CNTNAP5: variants seen among roughly 807,000 people sequenced by gnomAD.
CNTNAP5 encodes the protein contactin associated protein family member 5, also known as contactin-associated protein-like 5.
CNTNAP5 carries 72 observed loss-of-function variants against 150.2 expected under a neutral mutation model. That is an observed-to-expected ratio of 0.48 (90% CI 0.40 to 0.58). The LOEUF (loss-of-function observed/expected upper bound fraction) is 0.58, where lower values mean the gene tolerates loss of function less well. Among genes scored for constraint, CNTNAP5 ranks in the 20% least tolerant of loss-of-function variants. The pLI is 0.00. For synonymous variants in CNTNAP5, 672 were observed against 619.8 expected (o/e 1.08, Z -1.25); for missense variants, 1,636 against 1,626.2 (o/e 1.01, Z -0.10).
chr2:124,338,403 G>T (rs1345150972), intron 3 of CNTNAP5, among the ~76,000 whole-genome samples: 1 of 152,118 alleles, frequency 6.6e-6, no homozygotes, highest in African/African-American at 2.4e-5. Context: ...CCAACACTAT[G>T]TTGAATAGGA....
At chr2:124,859,372 C>A (rs1211371261) in intron 19 of CNTNAP5, among the ~76,000 whole-genome samples, 1 of 152,166 alleles carries the variant, frequency 6.6e-6, no homozygotes, top group Admixed American at 6.5e-5. Flanking sequence ...CCATCTCATA[C>A]CAGTTAGAAT....
chr2:124,391,095 G>A (rs1691098382), intron 3 of CNTNAP5, among the ~76,000 whole-genome samples: 1 of 152,174 alleles, frequency 6.6e-6, no homozygotes. Flanking sequence ...CAAGTCGTTT[G>A]AACTCCATGG....
intron 13 of CNTNAP5, among the ~76,000 whole-genome samples, chr2:124,694,281 G>A (rs1558738282): frequency 6.6e-6 from 1 of 152,068 alleles, no homozygotes. Flanking sequence ...TCTTTGATGA[G>A]GCATAGAGTG....
At chr2:124,464,802 T>C (rs867405995) in intron 6 of CNTNAP5, among the ~76,000 whole-genome samples, 2 of 152,196 alleles carry the variant, frequency 1.3e-5, no homozygotes, top group Admixed American at 6.6e-5. Flanking sequence ...AGGCTGATGA[T>C]GGTGTGTTTC....
chr2:124,061,092 A>G (rs762234130), intron 1 of CNTNAP5, among the ~76,000 whole-genome samples: 6 of 152,052 alleles, frequency 3.9e-5, no homozygotes, highest in Non-Finnish European at 7.4e-5. Flanking sequence ...TTAGAAATGC[A>G]TGTTCCTGAA....
chr2:124,484,517 T>C (rs554627330), intron 7 of CNTNAP5, among the ~76,000 whole-genome samples: 25 of 152,328 alleles, frequency 1.6e-4, no homozygotes, highest in Admixed American at 3.9e-4. Flanking sequence ...ATGGTAGAGA[T>C]AATAATGCCT....
intron 19 of CNTNAP5, among the ~76,000 whole-genome samples, chr2:124,805,624 A>G (rs1231139763): frequency 6.6e-6 from 1 of 152,142 alleles, no homozygotes; most frequent in Non-Finnish European, 1.5e-5. Flanking sequence ...AATACAATCA[A>G]CTCTACAAAC....
At chr2:124,257,166 T>A (rs1330536846) in intron 3 of CNTNAP5, among the ~76,000 whole-genome samples, 2 of 152,226 alleles carry the variant, frequency 1.3e-5, no homozygotes, top group African/African-American at 2.4e-5. Flanking sequence ...TCTGGACTTC[T>A]GGCCTCCAGA....
intron 13 of CNTNAP5, among the ~76,000 whole-genome samples, chr2:124,649,083 A>T (rs2105029248): frequency 6.6e-6 from 1 of 152,330 alleles, no homozygotes; most frequent in African/African-American, 2.4e-5. Context: ...AGAATTTTTA[A>T]CTATTTGAAA....
chr2:124,862,323 G>A (rs770278583), intron 19 of CNTNAP5, among the ~76,000 whole-genome samples: 1 of 152,096 alleles, frequency 6.6e-6, no homozygotes, highest in East Asian at 1.9e-4. Flanking sequence ...AAATTGCATC[G>A]CATTCATGGC....
chr2:124,282,100 AGACATAGGTAGAGATCCCAACAAGC>A (rs373641862), intron 3 of CNTNAP5, among the ~76,000 whole-genome samples: 147 of 152,240 alleles, frequency 9.7e-4, no homozygotes, highest in African/African-American at 3.4e-3. Flanking sequence ...TAAAAAGTTT[AGACATAGGTAGAGATCCCAACAAGC>A]ATAGGCACCC....
intron 13 of CNTNAP5, among the ~76,000 whole-genome samples, chr2:124,679,571 CTT>C (rs1217046501): frequency 3.4e-5 from 5 of 145,244 alleles, no homozygotes; most frequent in Non-Finnish European, 6.1e-5. Context: ...TGTCCCATAT[CTT>C]TTTTTTTTTT....
At chr2:124,241,674 C>T (rs1212417081) in intron 2 of CNTNAP5, among the ~76,000 whole-genome samples, 2 of 152,104 alleles carry the variant, frequency 1.3e-5, no homozygotes, top group Admixed American at 6.6e-5. Flanking sequence ...AAGGCATAGT[C>T]GGTGTCCTTT....
intron 3 of CNTNAP5, among the ~76,000 whole-genome samples, chr2:124,374,238 AT>A (rs1299252718): frequency 1.3e-5 from 2 of 152,138 alleles, no homozygotes; most frequent in African/African-American, 4.8e-5. Flanking sequence ...ACTAGTTACA[AT>A]ATAGGGTTAC....
chr2:124,351,734 T>G (rs770872652), intron 3 of CNTNAP5, among the ~76,000 whole-genome samples: 3 of 152,144 alleles, frequency 2.0e-5, no homozygotes, highest in Non-Finnish European at 4.4e-5. Context: ...GGGCATTGTA[T>G]AACAATTGGT....
intron 7 of CNTNAP5, among the ~76,000 whole-genome samples, chr2:124,502,657 A>G (rs546550420): frequency 6.6e-6 from 1 of 152,346 alleles, no homozygotes; most frequent in Admixed American, 6.5e-5. Flanking sequence ...TTCTTCCAAA[A>G]GACAGCCCTA....
At chr2:124,553,608 A>G (rs1695683059) in intron 10 of CNTNAP5, among the ~76,000 whole-genome samples, 1 of 152,170 alleles carries the variant, frequency 6.6e-6, no homozygotes. Flanking sequence ...GTTTTTCTGT[A>G]ATATTTGCAA....
intron 17 of CNTNAP5, among the ~76,000 whole-genome samples, chr2:124,787,710 C>G (rs1335105368): frequency 6.6e-6 from 1 of 152,116 alleles, no homozygotes; most frequent in Non-Finnish European, 1.5e-5. Context: ...ATTGACCCAC[C>G]ATTGGGCCAG....
chr2:124,478,613 G>T (rs760812224), intron 7 of CNTNAP5, among the ~76,000 whole-genome samples: 3 of 151,984 alleles, frequency 2.0e-5, no homozygotes, highest in Non-Finnish European at 4.4e-5. Context: ...GTTAAATACC[G>T]AAGTACAAAC....
Sources: allele counts gnomAD v4.1 joint callset (sites outside exome capture counted in the v4.1 genomes callset), GRCh38; gene constraint gnomAD v4.1.1; transcripts MANE v1.5; gene names NCBI Gene and HGNC (gene_info 2026-07-23, HGNC 2026-07-21).